ZNF462: variants seen among roughly 807,000 people sequenced by gnomAD.
ZNF462 encodes zinc finger protein 462.
Under a neutral mutation model 201.9 loss-of-function variants are expected in ZNF462, and 10 were observed. The ratio of observed to expected loss-of-function variants is 0.05; its 90% CI spans 0.03 to 0.08. ZNF462 has a LOEUF of 0.08. Ranked by LOEUF, ZNF462 falls within the 10% of genes least tolerant of loss-of-function variation. The probability of loss-of-function intolerance (pLI) is 1.00; values close to 1 mark genes in which losing one functional copy is unlikely to be tolerated. For synonymous variants in ZNF462, 1,227 were observed against 1,193.3 expected, an observed-to-expected ratio of 1.03 and a Z score of -0.58; for missense variants, 2,523 against 3,168.3, an observed-to-expected ratio of 0.80 and a Z score of 4.89.
chr9:106,924,012 G>A lies in ZNF462; in HGVS notation c.221-121G>A, dbSNP rs1194962485. On this transcript the variant is annotated intron_variant, in intron 2 of 12. Transcript: ENST00000277225. This position sits in a 1 kb window ranked among gnomAD's most constrained non-coding sequence, Gnocchi z 6.2. Reference sequence around the variant, plus strand: ...AATACTCTTCAAGGCCTCATCTTGAGACTTCAGGCCTTTTGCATGTGATGT... The same window carrying A: ...AATACTCTTCAAGGCCTCATCTTGAAACTTCAGGCCTTTTGCATGTGATGT... The A allele has an allele frequency of 1.2e-6, 1 of 827,422 alleles. No homozygotes were observed. The highest frequency in any genetic ancestry group is 1.7e-5 in the African/African-American group (1 of 57,912). The allele number at this position is 827,422 out of a possible 1,614,324, so 51.3% of individuals were successfully genotyped here.
chr9:106,901,861 A>G (rs1829077944), intron 1 of ZNF462, among the ~76,000 whole-genome samples: 1 of 151,974 alleles, frequency 6.6e-6, no homozygotes, highest in African/African-American at 2.4e-5. Context: ...TTGTCAGCAA[A>G]CAAACAGTGA....
At chr9:106,996,280 G>A (rs1233358480) in intron 10 of ZNF462, among the ~76,000 whole-genome samples, 1 of 152,194 alleles carries the variant, frequency 6.6e-6, no homozygotes, top group African/African-American at 2.4e-5. Flanking sequence ...AAACATACGT[G>A]TGCATGTGTC....
At position 106,929,436 on chromosome 9, in the gene ZNF462, G is replaced by C; in HGVS notation, c.5524G>C (p.Glu1842Gln). ...AEVEGEAQEI[E>Q]WLPFRCIKCF... ...GGTGGAGGGTGAAGCTCAGGAAATC[G>C]AGTGGCTCCCATTCCGCTGCATCAA... The change falls in exon 3 of 13, where the codon GAG (glutamate) becomes CAG (glutamine). Residue 1842 changes from glutamate (E) to glutamine (Q), a missense_variant. Transcript: ENST00000277225. The surrounding 1 kb of genome is among the most constrained non-coding windows in gnomAD (Gnocchi z 8.7). 1 of 1,614,072 alleles carries C rather than the reference G, an allele frequency of 6.2e-7. No homozygotes were observed. Among genetic ancestry groups the C allele is most frequent in the Non-Finnish European group, 8.5e-7 (1 of 1,180,036 alleles).
At chr9:106,980,248 G>A (rs922378308) in intron 9 of ZNF462, among the ~76,000 whole-genome samples, 1 of 152,142 alleles carries the variant, frequency 6.6e-6, no homozygotes, top group Non-Finnish European at 1.5e-5. Context: ...GTTTTGGGAT[G>A]ATTTATATAA....
chr9:106,906,745 G>A (rs1311529158), intron 1 of ZNF462, among the ~76,000 whole-genome samples: 6 of 152,172 alleles, frequency 3.9e-5, no homozygotes, highest in Non-Finnish European at 5.9e-5. Context: ...AATGTTTAAC[G>A]TGTTGAAATT....
chr9:106,943,209 T>C (rs1163416187), intron 7 of ZNF462, among the ~76,000 whole-genome samples: 1 of 152,084 alleles, frequency 6.6e-6, no homozygotes, highest in Non-Finnish European at 1.5e-5. Flanking sequence ...GTCTGTGATA[T>C]TGTGAATTAA....
chr9:106,993,802 T>C lies in ZNF462; in HGVS notation c.7056+9393T>C, dbSNP rs969417834. ...CTCTGTTGCCCAGGCTGAGGTGCAA[T>C]GGCGCAATCATAGCTCACTGCATCT... On this transcript the variant is annotated intron_variant, in intron 10 of 12. Transcript: ENST00000277225. The surrounding 1 kb of genome is among the most constrained non-coding windows in gnomAD (Gnocchi z 4.0). 2.0e-5 allele frequency among the ~76,000 whole-genome samples: 3 copies of C among 152,204 alleles called. No homozygotes were observed. Among genetic ancestry groups the C allele is most frequent in the Admixed American group, 1.3e-4 (2 of 15,272 alleles).
chr9:106,908,448 A>G (rs1829364819), intron 1 of ZNF462, among the ~76,000 whole-genome samples: 1 of 152,054 alleles, frequency 6.6e-6, no homozygotes, highest in East Asian at 1.9e-4. Context: ...CTTGAATTTA[A>G]CCATGAATAA....
intron 8 of ZNF462, among the ~76,000 whole-genome samples, chr9:106,973,658 C>T (rs886669459): frequency 6.6e-6 from 1 of 152,258 alleles, no homozygotes; most frequent in Non-Finnish European, 1.5e-5. Context: ...GCTGGTACAA[C>T]ACCACTTAGT....
chr9:106,988,114 A>C (rs1194170755), intron 10 of ZNF462, among the ~76,000 whole-genome samples: 1 of 152,094 alleles, frequency 6.6e-6, no homozygotes, highest in Non-Finnish European at 1.5e-5. Context: ...GTCTGTTTTC[A>C]CACTACTGAT....
chr9:106,982,749 C>G (rs535242777), intron 9 of ZNF462, among the ~76,000 whole-genome samples: 2 of 152,288 alleles, frequency 1.3e-5, no homozygotes, highest in South Asian at 4.1e-4. Flanking sequence ...GCCGATTAAT[C>G]GCTGCCTTCA....
At chr9:106,888,125 T>G (rs1828405998) in intron 1 of ZNF462, among the ~76,000 whole-genome samples, 1 of 151,090 alleles carries the variant, frequency 6.6e-6, no homozygotes, top group Non-Finnish European at 1.5e-5. Flanking sequence ...CACTGCAAGC[T>G]CCGCCTCCCG....
rs898207860 is a variant in ZNF462, at chr9:106,972,556, G to A, written c.6695+284G>A. Among the ~76,000 whole-genome samples, 7 of 152,298 alleles carry A rather than the reference G, an allele frequency of 4.6e-5. No individual in the cohort carries two copies. The highest frequency in any genetic ancestry group is 4.1e-4 in the South Asian group (2 of 4,826). On this transcript the variant is annotated intron_variant, in intron 8 of 12. Coordinates refer to ENST00000277225, the MANE Select transcript of ZNF462 (RefSeq NM_021224.6). This position sits in a 1 kb window ranked among gnomAD's most constrained non-coding sequence, Gnocchi z 4.8. ...TGAAGCAAATGATTTCCTCCCATGC[G>A]TGGAGTGGTGTTTCCCTTCAGAGAA... is the stretch of plus-strand genomic sequence containing the variant.
rs570371631 is a variant in ZNF462, at chr9:106,892,706, A to G, written c.-31+29351A>G. Among the ~76,000 whole-genome samples, 931 of 124,248 alleles carry G rather than the reference A, an allele frequency of 7.5e-3. 10 individuals carry two copies. Among genetic ancestry groups the G allele is most frequent in the African/African-American group, 0.031 (869 of 28,156 alleles). The allele number at this position is 124,248 out of a possible 152,430, so 81.5% of individuals were successfully genotyped here. A position where few individuals can be genotyped will look rare whatever the true frequency, so the allele number is the denominator to read the frequency against. ...CACACACACATGCACACACACACGC[A>G]CACACACACACACACACACATGTTA... is the stretch of plus-strand genomic sequence containing the variant. On this transcript the variant is annotated intron_variant, in intron 1 of 12. Transcript: ENST00000277225.
At chr9:106,987,798 C>T (rs1219010915) in intron 10 of ZNF462, among the ~76,000 whole-genome samples, 1 of 152,154 alleles carries the variant, frequency 6.6e-6, no homozygotes, top group Non-Finnish European at 1.5e-5. Flanking sequence ...AGTTTCTCCT[C>T]TTAGATTTAA....
At position 107,005,230 on chromosome 9, in the gene ZNF462, G is replaced by C. The variant is rs1469470570; in HGVS notation, c.7189+1804G>C. On this transcript the variant is annotated intron_variant, in intron 11 of 12. Transcript: ENST00000277225. This position sits in a 1 kb window ranked among gnomAD's most constrained non-coding sequence, Gnocchi z 4.4. The stretch of plus-strand genomic sequence containing the variant: ...CTTTCATTTCCTTTGGATATACCTA[G>C]GAGTGGGATTGCTAGATCAATGTGG... Among the ~76,000 whole-genome samples the C allele has an allele frequency of 1.3e-5, 2 of 152,100 alleles. No individual in the cohort carries two copies. Among genetic ancestry groups the C allele is most frequent in the Non-Finnish European group, 2.9e-5 (2 of 68,024 alleles).
At chr9:107,000,974 C>T (rs1829143659) in intron 10 of ZNF462, among the ~76,000 whole-genome samples, 1 of 152,134 alleles carries the variant, frequency 6.6e-6, no homozygotes, top group South Asian at 2.1e-4. Context: ...TGAATTAAAA[C>T]AACTGGATTA....
intron 1 of ZNF462, among the ~76,000 whole-genome samples, chr9:106,875,387 C>A (rs1827785205): frequency 6.6e-6 from 1 of 152,110 alleles, no homozygotes; most frequent in Non-Finnish European, 1.5e-5. Context: ...TTGTTATTTA[C>A]CTCAGCACAT....
Position 107,011,997 on chromosome 9 carries a change from G to T in ZNF462, c.*967G>T, listed in dbSNP as rs747350524. ...CAGTTTTTCATATGAATTGTTTTTC[G>T]TGTGTGTGTTGTTATTGTTGTTTTA... On this transcript the variant is annotated 3_prime_UTR_variant, in exon 13 of 13. Transcript: ENST00000277225. The surrounding 1 kb of genome is among the most constrained non-coding windows in gnomAD (Gnocchi z 5.6). 6.6e-6 allele frequency: 1 copy of T among 151,392 alleles called. No individual in the cohort carries two copies. Among genetic ancestry groups the T allele is most frequent in the Non-Finnish European group, 1.5e-5 (1 of 67,942 alleles). 9.4% of individuals were successfully genotyped at this position (151,392 alleles called of 1,614,324 possible).
Sources: gnomAD v4.1 joint callset for allele counts (sites outside exome capture counted in the v4.1 genomes callset) on GRCh38, gnomAD v4.1.1 for gene constraint, Gnocchi (gnomAD v3.1) non-coding constraint, MANE v1.5 for transcripts, NCBI Gene and HGNC (gene_info 2026-07-23, HGNC 2026-07-21) for gene names.